Variants in POLE observed in about 807,000 individuals in gnomAD.
POLE encodes the protein DNA polymerase epsilon catalytic subunit A.
In POLE, 188 loss-of-function variants were observed where a neutral mutation model predicts 279.2. The observed-to-expected ratio is 0.67, with a 90% CI of 0.60 to 0.76. The LOEUF (loss-of-function observed/expected upper bound fraction) is 0.76. Among genes scored for constraint, POLE ranks in the 30% least tolerant of loss-of-function variants. POLE has a pLI of 0.00. For missense variants in POLE, 2,703 were observed against 3,016.7 expected (o/e 0.90, Z 2.44); for synonymous variants, 1,214 against 1,172.5 (o/e 1.04, Z -0.72).
At position 132,665,207 on chromosome 12, in the gene POLE, G is replaced by A. The variant is rs1005336376; in HGVS notation, c.2468+95C>T. 2.7e-5 allele frequency: 34 copies of A among 1,258,056 alleles called. 1 individual carries two copies. The highest frequency in any genetic ancestry group is 1.6e-4 in the South Asian group (12 of 74,192). The allele number at this position is 1,258,056 out of a possible 1,614,324, so 77.9% of individuals were successfully genotyped here. ...CCAACATTCCTTGAATCAGATGAAC[G>A]GCCCTCCATGCACAGCAGCCTACAC... On this transcript the variant is annotated intron_variant, in intron 21 of 48. Transcript: ENST00000320574.
intron 26 of POLE, 87 bp downstream of exon 26, chr12:132,659,208 A>G: frequency 7.5e-7 from 1 of 1,340,474 alleles, no homozygotes; most frequent in Admixed American, 2.0e-5. Flanking sequence ...TGATGAGGGG[A>G]GCCCTCACCT....
At chr12:132,638,928 T>A (rs374782527) in intron 40 of POLE, 197 bp downstream of exon 40, 1 of 590,162 alleles carries the variant, frequency 1.7e-6, no homozygotes, top group African/African-American at 1.9e-5. Context: ...CACCTAGTGT[T>A]CTCTGCAGGA....
chr12:132,625,929 G>A (rs2041829512), intron 46 of POLE, 159 bp from the exon 47 acceptor site: 7 of 1,148,450 alleles, frequency 6.1e-6, no homozygotes, highest in African/African-American at 1.5e-5. Flanking sequence ...CTGCACTTGA[G>A]CCCTTCCTAG....
In POLE at chr12:132,668,506, G is replaced by C. The variant is rs2135976504; in HGVS notation, c.2027-4C>G. 1 of 1,587,344 alleles carries C rather than the reference G, an allele frequency of 6.3e-7. No homozygotes were observed. The highest frequency in any genetic ancestry group is 8.6e-7 in the Non-Finnish European group (1 of 1,163,552). Reference sequence around the variant, plus strand: ...TATTCGCTGCGACTGGCTGGCACTGGGAAGGAGGCAATGGGGGCAAGTTCA... The same window carrying C: ...TATTCGCTGCGACTGGCTGGCACTGCGAAGGAGGCAATGGGGGCAAGTTCA... On this transcript the variant is annotated splice_region_variant and splice_polypyrimidine_tract_variant and intron_variant, in intron 18 of 48. Transcript: ENST00000320574. This position sits in a 1 kb window ranked among gnomAD's most constrained non-coding sequence, Gnocchi z 4.0.
chr12:132,632,903 T>C, intron 43 of POLE, 108 bp from the exon 44 acceptor site: 3 of 1,237,958 alleles, frequency 2.4e-6, no homozygotes, highest in Non-Finnish European at 3.3e-6. Context: ...GAGGCTAAAA[T>C]GTCATTGTTA....
chr12:132,625,372 C>A (rs1351167531), intron 47 of POLE: 1 of 737,138 alleles, frequency 1.4e-6, no homozygotes, highest in Non-Finnish European at 2.5e-6. Flanking sequence ...GCAACTCCCT[C>A]TTCCTCCTTT....
Position 132,625,707 on chromosome 12 carries a change from T to A in POLE, c.6595A>T (p.Ile2199Phe), listed in dbSNP as rs1220509815. ...NCQAPYDSSA[I>F]EMTLVEVLQK... ...AGAACTTCCACCAGCGTCATCTCGATGGCAGAGGAGTCGTAGGGCGCCTGA... is the reference window on the plus strand; with the variant it reads ...AGAACTTCCACCAGCGTCATCTCGAAGGCAGAGGAGTCGTAGGGCGCCTGA... Residue 2199 changes from isoleucine (I) to phenylalanine (F), a missense_variant, in exon 47 of 49, where the codon ATC becomes TTC. Ile to Phe is a conservative substitution (Grantham distance 21). Coordinates refer to ENST00000320574, the MANE Select transcript of POLE (RefSeq NM_006231.4). The A allele has an allele frequency of 1.2e-6, 2 of 1,613,692 alleles. No individual in the cohort carries two copies. The highest frequency in any genetic ancestry group is 4.5e-5 in the East Asian group (2 of 44,886).
intron 23 of POLE, among the ~76,000 whole-genome samples, chr12:132,662,950 G>A (rs2042711764): frequency 6.6e-6 from 1 of 152,182 alleles, no homozygotes; most frequent in Admixed American, 6.5e-5. Flanking sequence ...CTTCCCTACA[G>A]GATCCCAATT....
chr12:132,673,362 T>C lies in POLE; in HGVS notation c.1360-85A>G. 3 of 1,183,970 alleles carry C rather than the reference T, an allele frequency of 2.5e-6. No homozygotes were observed. In the Admixed American group the frequency reaches 5.1e-5, roughly 20 times the overall value. 73.3% of individuals were successfully genotyped at this position (1,183,970 alleles called of 1,614,324 possible). Reference sequence around the variant, plus strand: ...GAAGCACAGAAAGCAAAGCCTGGCCTGACCAGCCTGCCGCACACACAGTAA... The same window carrying C: ...GAAGCACAGAAAGCAAAGCCTGGCCCGACCAGCCTGCCGCACACACAGTAA... On this transcript the variant is annotated intron_variant, in intron 13 of 48. Coordinates refer to ENST00000320574, the MANE Select transcript of POLE (RefSeq NM_006231.4).
At chr12:132,626,055 A>G (rs2041831312) in intron 46 of POLE, 62 bp downstream of exon 46, 1 of 1,484,586 alleles carries the variant, frequency 6.7e-7, no homozygotes, top group South Asian at 1.2e-5. Context: ...AGCCCTCAAG[A>G]CACCGCAGTG....
chr12:132,625,696 C>T lies in POLE; in HGVS notation c.6606G>A (p.Thr2202=), dbSNP rs11146982. Residue 2202 remains threonine (T), a synonymous_variant, in exon 47 of 49, where the codon ACG becomes ACA. Coordinates refer to ENST00000320574, the MANE Select transcript of POLE (RefSeq NM_006231.4). The stretch of plus-strand genomic sequence containing the variant: ...GCTTCTTCTGTAGAACTTCCACCAG[C>T]GTCATCTCGATGGCAGAGGAGTCGT... ...APYDSSAIEM[T]LVEVLQKKLM... 19 of 1,613,778 alleles carry T rather than the reference C, an allele frequency of 1.2e-5. No homozygotes were observed. Among genetic ancestry groups the T allele is most frequent in the African/African-American group, 1.1e-4 (8 of 75,072 alleles).
chr12:132,624,741 T>A lies in POLE; in HGVS notation c.6817A>T (p.Thr2273Ser), dbSNP rs73481453. 8.4e-4 allele frequency: 1,350 copies of A among 1,613,164 alleles called. 8 individuals carry two copies. In the African/African-American group the frequency reaches 0.015, roughly 18 times the overall value. ...QHYGMSYLLE[T>S]LEWLLQKNPQ... is the part of the protein sequence containing the mutation. ...TTCTTCTGCAGCAGCCACTCCAGGG[T>A]CTCCAGGAGGTACGACATGCCGTAG... The change falls in exon 49 of 49, where the codon ACC becomes TCC. Residue 2273 changes from threonine to serine, a missense_variant. By Grantham distance (58) the Thr-to-Ser change is moderately conservative. Coordinates refer to ENST00000320574, the MANE Select transcript of POLE (RefSeq NM_006231.4).
At chr12:132,658,847 G>A (rs2042608811) in intron 26 of POLE, among the ~76,000 whole-genome samples, 1 of 119,940 alleles carries the variant, frequency 8.3e-6, no homozygotes, top group Non-Finnish European at 1.6e-5. Context: ...ACCCCATGCA[G>A]GCATTTGTAC....
At chr12:132,648,633 C>T (rs2042342088) in intron 32 of POLE, 1 of 302,294 alleles carries the variant, frequency 3.3e-6, no homozygotes, top group Non-Finnish European at 6.1e-6. Flanking sequence ...TGTTAACAAC[C>T]AAAGAGCCTA....
chr12:132,660,106 G>A (rs1220514162), intron 25 of POLE: 1 of 156,008 alleles, frequency 6.4e-6, no homozygotes, highest in East Asian at 1.9e-4. Flanking sequence ...CTCCTTGAAA[G>A]GAAGAGAAAG....
chr12:132,644,070 T>C, intron 32 of POLE, 93 bp from the exon 33 acceptor site: 1 of 1,392,432 alleles, frequency 7.2e-7, no homozygotes, highest in Admixed American at 2.0e-5. Flanking sequence ...AGTCCTAGAC[T>C]TCTGGTGCCC....
rs1402069700 is a variant in POLE, at chr12:132,672,666, A to T, written c.1647T>A (p.Ser549=). The part of the protein sequence containing the change: ...YVGGHVEALE[S]GVFRSDIPCR... ...AAGGGATATCGCTGCGGAAAACCCC[A>T]GACTCGAGGGCCTCCACGTGGCCCC... is the stretch of plus-strand genomic sequence containing the variant. The change falls in exon 15 of 49, where the codon TCT becomes TCA. Residue 549 remains serine, a synonymous_variant. Coordinates refer to ENST00000320574, the MANE Select transcript of POLE (RefSeq NM_006231.4). 1 of 1,614,060 alleles carries T rather than the reference A, an allele frequency of 6.2e-7. No homozygotes were observed. Among genetic ancestry groups the T allele is most frequent in the Non-Finnish European group, 8.5e-7 (1 of 1,180,058 alleles).
chr12:132,631,888 A>G (rs1434754004), intron 45 of POLE, among the ~76,000 whole-genome samples: 2 of 151,716 alleles, frequency 1.3e-5, no homozygotes, highest in South Asian at 2.1e-4. Context: ...CTCCATCCCC[A>G]CAGCACCTGC....
At chr12:132,680,153 A>C in intron 4 of POLE, 25 bp downstream of exon 4, 1 of 1,612,440 alleles carries the variant, frequency 6.2e-7, no homozygotes, top group Non-Finnish European at 8.5e-7. Context: ...AGGTCGTCTG[A>C]CCTGAGTCTA....
Sources: allele counts gnomAD v4.1 joint callset (sites outside exome capture counted in the v4.1 genomes callset), GRCh38; gene constraint gnomAD v4.1.1; non-coding constraint Gnocchi (gnomAD v3.1); transcripts MANE v1.5; gene names NCBI Gene and HGNC (gene_info 2026-07-23, HGNC 2026-07-21).